The following EML3 variants were observed in gnomAD, a reference collection of about 807,000 sequenced individuals.
EML3 encodes EMAP like 3, also known as echinoderm microtubule-associated protein-like 3.
In EML3, 53 loss-of-function variants were observed where a neutral mutation model predicts 106.7. The observed-to-expected ratio is 0.50, with a 90% CI of 0.40 to 0.62. EML3 has a LOEUF of 0.62. EML3 is among the 20% of genes least tolerant of loss of function. EML3 has a pLI of 0.00. For synonymous variants in EML3, 499 were observed against 489.6 expected (o/e 1.02, Z -0.25); for missense variants, 994 against 1,209.1 (o/e 0.82, Z 2.64).
Position 62,608,952 on chromosome 11 carries a change from G to C in EML3, c.929+10C>G, listed in dbSNP as rs375802075. 6.2e-7 allele frequency: 1 copy of C among 1,612,896 alleles called. No individual in the cohort carries two copies. The highest frequency in any genetic ancestry group is 1.1e-5 in the South Asian group (1 of 91,064). On this transcript the variant is annotated intron_variant, in intron 7 of 21. Transcript: ENST00000394773. ...CTTCCTGCCAAGCCCACCAGCCCCG[G>C]ACTCCTCACCATCGAACGCAGTCTG...
In EML3 at chr11:62,605,731, G is replaced by A. The variant is rs762456714; in HGVS notation, c.1825C>T (p.Gln609Ter). The change falls in exon 15 of 22, where the codon CAG (glutamine) becomes TAG (stop). Residue 609 changes from glutamine (Q) to a stop codon, truncating the protein, a stop_gained. Transcript: ENST00000394773. LOFTEE classifies it high-confidence loss of function. The surrounding 1 kb of genome is among the most constrained non-coding windows in gnomAD (Gnocchi z 5.2). ...ELWGLCTHPS[Q>*]NRFLTCGHDR... Reference sequence around the variant, plus strand: ...TGGCCGCAGGTGAGGAAGCGGTTCTGGGAGGGGTGTGTGCAGAGCCCCCAG... The same window carrying A: ...TGGCCGCAGGTGAGGAAGCGGTTCTAGGAGGGGTGTGTGCAGAGCCCCCAG... 1 of 1,600,742 alleles carries A rather than the reference G, an allele frequency of 6.2e-7. No individual in the cohort carries two copies.
intron 6 of EML3, 93 bp downstream of exon 6, chr11:62,609,261 C>T (rs890027379): frequency 2.6e-6 from 4 of 1,547,100 alleles, no homozygotes; most frequent in Non-Finnish European, 2.6e-6. Flanking sequence ...TAGAAGGCTC[C>T]TTGTCCCCAC....
At chr11:62,603,293 G>A (rs1942339637) in intron 19 of EML3, 46 bp from the exon 20 acceptor site, 2 of 1,569,030 alleles carry the variant, frequency 1.3e-6, no homozygotes, top group African/African-American at 1.3e-5. Context: ...CCTGCCCTCA[G>A]TAGGGAAGAT....
chr11:62,606,606 C>T (rs1942532890), intron 12 of EML3, among the ~76,000 whole-genome samples: 1 of 152,228 alleles, frequency 6.6e-6, no homozygotes, highest in Non-Finnish European at 1.5e-5. Flanking sequence ...CCTGTAATCC[C>T]AGCACTTTGG....
chr11:62,608,219 C>T lies in EML3; in HGVS notation c.1188G>A (p.Met396Ile), dbSNP rs779211034. 3.7e-6 allele frequency: 6 copies of T among 1,613,974 alleles called. No individual in the cohort carries two copies. In the Admixed American group the frequency reaches 8.3e-5, roughly 22 times the overall value. ...MLSVWDCSRGMKLAEIKSTND... is the reference protein window; with the variant it reads ...MLSVWDCSRGIKLAEIKSTND... ...TCCTCACCTTGATCTCAGCCAGCTT[C>T]ATTCCCCGGCTGCAGTCCCACACCG... Residue 396 changes from methionine (M) to isoleucine (I), a missense_variant, in exon 10 of 22, where the codon ATG (methionine) becomes ATA (isoleucine). Coordinates refer to ENST00000394773, the MANE Select transcript of EML3 (RefSeq NM_153265.3).
chr11:62,603,600 C>T (rs1942359034), intron 19 of EML3, 129 bp downstream of exon 19: 2 of 774,818 alleles, frequency 2.6e-6, no homozygotes, highest in East Asian at 5.3e-5. Flanking sequence ...GAAATTTCTC[C>T]TACATATAAT....
At chr11:62,603,633 C>T (rs377578080) in intron 19 of EML3, 96 bp downstream of exon 19, 2 of 1,052,792 alleles carry the variant, frequency 1.9e-6, no homozygotes, top group South Asian at 2.9e-5. Flanking sequence ...TTAACCCCAT[C>T]TCCACTTCCT....
Position 62,611,090 on chromosome 11 carries a change from T to G in EML3, c.449A>C (p.Asp150Ala). The change falls in exon 3 of 22, where the codon GAC becomes GCC. Residue 150 changes from aspartate (D) to alanine (A), a missense_variant. Around this residue, in one of 3 missense-constraint regions of EML3, gnomAD observed 269 missense variants for 265.1 expected, o/e 1.01. Transcript: ENST00000394773. ...CACAGGGCCACAGGACACCTACGTG[T>G]CAGCACGCTGTGGGGGCTGCAAGGG... ...LRPLQPPQRADTPRRNSSSSS... is the reference protein window; with the variant it reads ...LRPLQPPQRAATPRRNSSSSS... The G allele has an allele frequency of 6.3e-7, 1 of 1,598,942 alleles. No homozygotes were observed. Among genetic ancestry groups the G allele is most frequent in the Non-Finnish European group, 8.5e-7 (1 of 1,177,692 alleles).
Position 62,609,685 on chromosome 11 carries a change from T to C in EML3, c.578A>G (p.Lys193Arg), listed in dbSNP as rs557297627. 2.0e-5 allele frequency: 32 copies of C among 1,602,532 alleles called. No homozygotes were observed. In the South Asian group the frequency reaches 3.1e-4, roughly 16 times the overall value. Residue 193 changes from lysine (K) to arginine (R), a missense_variant, in exon 5 of 22, where the codon AAA (lysine) becomes AGA (arginine). Physicochemically the swap from Lys to Arg is conservative, Grantham distance 26 (BLOSUM62 2). Coordinates refer to ENST00000394773, the MANE Select transcript of EML3 (RefSeq NM_153265.3). ...GCCCCCAGGGCTGGAGAGGGGGTCT[T>C]TTCCCCCACGGCTGTTGGGAAGAGA... ...RSGSTESRGG[K>R]DPLSSPGGPG...
rs530375874 is a variant in EML3, at chr11:62,602,337, C to T, written c.*138G>A. The stretch of plus-strand genomic sequence containing the variant: ...TGTGCAGGGGCGCCGTTCGCGCCCT[C>T]CAGGAAAATGCGCGATCGGGAATGT... On this transcript the variant is annotated 3_prime_UTR_variant, in exon 22 of 22. Transcript: ENST00000394773. 166 of 1,551,052 alleles carry T rather than the reference C, an allele frequency of 1.1e-4. No individual in the cohort carries two copies. The highest frequency in any genetic ancestry group is 1.4e-4 in the Non-Finnish European group (158 of 1,146,848).
chr11:62,607,744 G>A lies in EML3; in HGVS notation c.1284C>T (p.His428=), dbSNP rs201006138. The change falls in exon 11 of 22, where the codon CAC becomes CAT. Residue 428 remains histidine (H), a synonymous_variant. Transcript: ENST00000394773. The part of the protein sequence containing the change: ...SSCIVTSGKS[H]VHFWNWSGGV... ...CACCACTCCAATTCCAGAAGTGGAC[G>A]TGAGATTTCCCACTGGTGACGATGC... is the stretch of plus-strand genomic sequence containing the variant. 2.4e-5 allele frequency: 39 copies of A among 1,613,906 alleles called. No individual in the cohort carries two copies. The highest frequency in any genetic ancestry group is 1.6e-4 in the Middle Eastern group (1 of 6,082).
At chr11:62,607,645 T>G (rs1241120736) in intron 11 of EML3, 21 bp downstream of exon 11, 5 of 1,606,330 alleles carry the variant, frequency 3.1e-6, no homozygotes, top group Non-Finnish European at 3.4e-6. Context: ...CCCCATCACC[T>G]TCCACTTATC....
rs761715651 is a variant in EML3, at chr11:62,605,318, C to T, written c.1915-138G>A. ...AGAGAGGGAAGGGATACCCGGGTAT[C>T]ACTGGAGCCTGAACAGGGAGTGATA... On this transcript the variant is annotated intron_variant, in intron 15 of 21. Transcript: ENST00000394773. This position sits in a 1 kb window ranked among gnomAD's most constrained non-coding sequence, Gnocchi z 5.2. 1 of 853,448 alleles carries T rather than the reference C, an allele frequency of 1.2e-6. No individual in the cohort carries two copies. Among genetic ancestry groups the T allele is most frequent in the Non-Finnish European group, 1.8e-6 (1 of 566,970 alleles). 52.9% of individuals were successfully genotyped at this position (853,448 alleles called of 1,614,324 possible).
Position 62,611,301 on chromosome 11 carries a change from A to G in EML3, c.238T>C (p.Leu80=), listed in dbSNP as rs1348669870. 1 of 1,612,842 alleles carries G rather than the reference A, an allele frequency of 6.2e-7. No individual in the cohort carries two copies. The highest frequency in any genetic ancestry group is 8.5e-7 in the Non-Finnish European group (1 of 1,179,882). ...PGLPPTCTPS[L]VSRGTQTETE... is the part of the protein sequence containing the mutation. ...TCCGTCTGGGTGCCTCGGCTCACCA[A>G]GGAAGGGGTGCACGTGGGTGGCAGT... Residue 80 remains leucine, a synonymous_variant, in exon 3 of 22, where the codon TTG becomes CTG. Coordinates refer to ENST00000394773, the MANE Select transcript of EML3 (RefSeq NM_153265.3).
intron 11 of EML3, chr11:62,607,462 AG>A (rs1942592876): frequency 3.7e-6 from 2 of 535,710 alleles, no homozygotes; most frequent in Admixed American, 3.6e-5. Context: ...GCTCGAACCC[AG>A]GAGGCAGACG....
Position 62,605,019 on chromosome 11 carries a change from G to A in EML3, c.1982+94C>T, listed in dbSNP as rs1161601458. On this transcript the variant is annotated intron_variant, in intron 16 of 21. Coordinates refer to ENST00000394773, the MANE Select transcript of EML3 (RefSeq NM_153265.3). This position sits in a 1 kb window ranked among gnomAD's most constrained non-coding sequence, Gnocchi z 5.2. ...AGTGCCAAGGCGCAGGTGGCTCCTG[G>A]GTAGAGGTGGTCACTCTCGCCCACT... 7.6e-7 allele frequency: 1 copy of A among 1,319,206 alleles called. No homozygotes were observed. Among genetic ancestry groups the A allele is most frequent in the African/African-American group, 1.5e-5 (1 of 66,804 alleles). The allele number at this position is 1,319,206 out of a possible 1,614,324, so 81.7% of individuals were successfully genotyped here.
At chr11:62,611,742 G>T in intron 1 of EML3, 146 bp from the exon 2 acceptor site, 2 of 920,424 alleles carry the variant, frequency 2.2e-6, no homozygotes, top group Non-Finnish European at 1.6e-6. Flanking sequence ...CCAGAGGGGA[G>T]GAGACGGTGG....
Position 62,609,114 on chromosome 11 carries a change from A to C in EML3, c.777T>G (p.Arg259=). ...ACACAAACAGATTAGAGCGGGAGTC[A>C]CGACCCCTGTACCCATAACTGGGGT... ...SLDWVYGYRG[R]DSRSNLFVLR... The change falls in exon 7 of 22, where the codon CGT becomes CGG. Residue 259 remains arginine, a synonymous_variant. Transcript: ENST00000394773. 6.2e-7 allele frequency: 1 copy of C among 1,614,044 alleles called. No homozygotes were observed. Among genetic ancestry groups the C allele is most frequent in the Non-Finnish European group, 8.5e-7 (1 of 1,180,032 alleles).
At chr11:62,611,037 C>T (rs768254690) in intron 3 of EML3, 45 bp from the exon 4 acceptor site, 3 of 1,606,872 alleles carry the variant, frequency 1.9e-6, no homozygotes, top group Non-Finnish European at 2.5e-6. Context: ...CTGTACTCTG[C>T]AATCCTACCA....
Sources: gnomAD v4.1 joint callset for allele counts (sites outside exome capture counted in the v4.1 genomes callset) on GRCh38, gnomAD v4.1.1 for gene constraint, gnomAD v4.1.1 regional missense constraint, Gnocchi (gnomAD v3.1) non-coding constraint, MANE v1.5 for transcripts, NCBI Gene and HGNC (gene_info 2026-07-23, HGNC 2026-07-21) for gene names.